NRXN1: variants seen among roughly 807,000 people sequenced by gnomAD.
NRXN1 encodes the protein neurexin-1.
NRXN1 carries 39 observed loss-of-function variants against 150.9 expected under a neutral mutation model. The observed-to-expected ratio is 0.26, with a 90% CI of 0.20 to 0.34. The LOEUF (loss-of-function observed/expected upper bound fraction) is 0.34, where lower values mean the gene tolerates loss of function less well. Ranked by LOEUF, NRXN1 falls within the 10% of genes least tolerant of loss-of-function variation. The pLI is 1.00. For synonymous variants in NRXN1, 924 were observed against 757.0 expected, an observed-to-expected ratio of 1.22 and a Z score of -3.62; for missense variants, 1,815 against 1,949.9, an observed-to-expected ratio of 0.93 and a Z score of 1.30.
intron 18 of NRXN1, among the ~76,000 whole-genome samples, chr2:50,223,204 T>G (rs1283338868): frequency 1.3e-5 from 2 of 151,760 alleles, no homozygotes; most frequent in African/African-American, 2.4e-5. Context: ...AAAAAAAAAG[T>G]TAAATAATAT....
chr2:49,971,503 A>G (rs774657054), intron 21 of NRXN1, among the ~76,000 whole-genome samples: 8 of 152,310 alleles, frequency 5.3e-5, no homozygotes, highest in Admixed American at 2.0e-4. Context: ...CATTCTGCCC[A>G]TAAGGAGAAT....
chr2:49,974,299 G>C (rs1207500345), intron 21 of NRXN1: 1 of 532,644 alleles, frequency 1.9e-6, no homozygotes, highest in East Asian at 4.0e-5. Context: ...GAGGCTGTTG[G>C]TACACAGCCC....
chr2:49,923,212 G>C (rs1037493888), intron 22 of NRXN1, among the ~76,000 whole-genome samples: 1 of 152,198 alleles, frequency 6.6e-6, no homozygotes, highest in South Asian at 2.1e-4. Flanking sequence ...ATGAGGAGAA[G>C]GGGCAGCTCT....
At chr2:50,312,573 A>G (rs890928562) in intron 17 of NRXN1, among the ~76,000 whole-genome samples, 1 of 152,014 alleles carries the variant, frequency 6.6e-6, no homozygotes, top group African/African-American at 2.4e-5. Flanking sequence ...AGCTTATTCT[A>G]TTAAGTGTAC....
At chr2:50,019,641 C>CACAAAAAAAA (rs1687200451) in intron 21 of NRXN1, among the ~76,000 whole-genome samples, 1 of 25,554 alleles carries the variant, frequency 3.9e-5, no homozygotes. Flanking sequence ...GATTCCGTCT[C>CACAAAAAAAA]AAAAAAAAAA....
intron 5 of NRXN1, among the ~76,000 whole-genome samples, chr2:50,625,193 T>C (rs1198252462): frequency 6.6e-6 from 1 of 152,008 alleles, no homozygotes; most frequent in African/African-American, 2.4e-5. Context: ...ACTCACGTCC[T>C]GGAATCAGAG....
At chr2:50,829,501 T>C in intron 5 of NRXN1, 10 of 1,601,816 alleles carry the variant, frequency 6.2e-6, no homozygotes, top group Non-Finnish European at 8.5e-6. Context: ...AAGGCGCGAA[T>C]CAAAAACAGC....
chr2:50,457,068 A>G (rs2087639971), intron 17 of NRXN1, among the ~76,000 whole-genome samples: 1 of 152,122 alleles, frequency 6.6e-6, no homozygotes, highest in Admixed American at 6.6e-5. Flanking sequence ...TGAGAAACTC[A>G]GAAAGGCTGT....
chr2:50,074,546 A>G (rs1696770662), intron 19 of NRXN1, among the ~76,000 whole-genome samples: 1 of 152,152 alleles, frequency 6.6e-6, no homozygotes, highest in Non-Finnish European at 1.5e-5. Flanking sequence ...TTTCTGGCAC[A>G]TATATATGAT....
At chr2:51,006,462 G>C (rs1265829142) in intron 2 of NRXN1, among the ~76,000 whole-genome samples, 1 of 151,718 alleles carries the variant, frequency 6.6e-6, no homozygotes, top group Admixed American at 6.6e-5. Context: ...AAGTTAATGG[G>C]TGCAGCACAC....
At chr2:50,640,572 C>T (rs946921303) in intron 5 of NRXN1, among the ~76,000 whole-genome samples, 2 of 152,106 alleles carry the variant, frequency 1.3e-5, no homozygotes, top group African/African-American at 4.8e-5. Context: ...AACTCTCAAG[C>T]TTTCTTTGTA....
intron 19 of NRXN1, among the ~76,000 whole-genome samples, chr2:50,086,235 G>C (rs1275923508): frequency 2.0e-5 from 3 of 152,146 alleles, no homozygotes; most frequent in South Asian, 4.2e-4. Flanking sequence ...CTAAATAATA[G>C]AGTGACTTAA....
At chr2:50,628,561 T>C (rs1488852980) in intron 5 of NRXN1, among the ~76,000 whole-genome samples, 1 of 151,762 alleles carries the variant, frequency 6.6e-6, no homozygotes, top group Non-Finnish European at 1.5e-5. Context: ...AATCATTTGC[T>C]ACCTTACAAT....
intron 17 of NRXN1, among the ~76,000 whole-genome samples, chr2:50,437,799 G>T (rs2085574693): frequency 1.3e-5 from 2 of 152,230 alleles, no homozygotes; most frequent in South Asian, 4.1e-4. Context: ...TGGTCACCAA[G>T]AATCCATGGA....
rs924468053 is a variant in NRXN1, at chr2:50,051,205, C to T, written c.4128+2066G>A. 3.9e-5 allele frequency among the ~76,000 whole-genome samples: 6 copies of T among 151,974 alleles called. No individual in the cohort carries two copies. The South Asian group carries it at 8.3e-4, about 21-fold the overall frequency. ...ATAAATCTTTATTTCTGCATTTCTA[C>T]GTATTTAGCTTTCAAATGAAACAGC... On this transcript the variant is annotated intron_variant, in intron 21 of 22. Transcript: ENST00000401669.
At chr2:51,026,125 G>A (rs1490242198) in intron 2 of NRXN1, among the ~76,000 whole-genome samples, 1 of 152,060 alleles carries the variant, frequency 6.6e-6, no homozygotes, top group African/African-American at 2.4e-5. Context: ...ATTTACAAAG[G>A]CTAGTTCCCC....
intron 13 of NRXN1, among the ~76,000 whole-genome samples, chr2:50,498,438 C>G (rs1231920149): frequency 2.0e-5 from 3 of 152,106 alleles, no homozygotes; most frequent in Non-Finnish European, 2.9e-5. Flanking sequence ...TAATTGAAAG[C>G]TTGCCCAATT....
At chr2:50,036,804 C>A (rs529933110) in intron 21 of NRXN1, among the ~76,000 whole-genome samples, 1 of 152,210 alleles carries the variant, frequency 6.6e-6, no homozygotes, top group East Asian at 1.9e-4. Flanking sequence ...ATTAAACCGG[C>A]CTTTTGGAGG....
At chr2:50,902,428 T>TA (rs1183122948) in intron 5 of NRXN1, among the ~76,000 whole-genome samples, 5 of 152,090 alleles carry the variant, frequency 3.3e-5, no homozygotes, top group African/African-American at 4.8e-5. Flanking sequence ...TAGATCTACA[T>TA]AAAAAAATTC....
Sources: gnomAD v4.1 joint callset for allele counts (sites outside exome capture counted in the v4.1 genomes callset) on GRCh38, gnomAD v4.1.1 for gene constraint, MANE v1.5 for transcripts, NCBI Gene and HGNC (gene_info 2026-07-23, HGNC 2026-07-21) for gene names.